The following EHBP1 variants were observed in gnomAD, a reference collection of about 807,000 sequenced individuals.
EHBP1 encodes the protein EH domain binding protein 1, also known as EH domain-binding protein 1.
In EHBP1, 55 loss-of-function variants were observed where a neutral mutation model predicts 144.0. The ratio of observed to expected loss-of-function variants is 0.38; its 90% CI spans 0.31 to 0.48. EHBP1 has a LOEUF of 0.48. EHBP1 is among the 20% of genes least tolerant of loss of function. The probability of loss-of-function intolerance (pLI) is 0.98; values close to 1 mark genes in which losing one functional copy is unlikely to be tolerated. For missense variants in EHBP1, 1,200 were observed against 1,364.2 expected (o/e 0.88, Z 1.90); for synonymous variants, 469 against 472.7 (o/e 0.99, Z 0.10).
chr2:62,945,388 G>C (rs2153082561), intron 12 of EHBP1, among the ~76,000 whole-genome samples: 1 of 152,262 alleles, frequency 6.6e-6, no homozygotes, highest in African/African-American at 2.4e-5. Flanking sequence ...CTAGTCTAAA[G>C]TTTTTAACAT....
chr2:62,806,998 T>C (rs1411741333), intron 5 of EHBP1, among the ~76,000 whole-genome samples: 6 of 152,182 alleles, frequency 3.9e-5, no homozygotes, highest in Non-Finnish European at 2.9e-5. Context: ...AACCCACAGA[T>C]AGGAAAAGTT....
chr2:62,880,346 GA>G (rs59916252), intron 10 of EHBP1, among the ~76,000 whole-genome samples: 75,433 of 133,604 alleles, frequency 0.56, 20,039 homozygotes, highest in African/African-American at 0.63. Context: ...TAGCAATTGT[GA>G]AAAAAAAAAA....
chr2:62,882,163 G>C (rs1434913144), intron 10 of EHBP1, among the ~76,000 whole-genome samples: 1 of 152,164 alleles, frequency 6.6e-6, no homozygotes, highest in East Asian at 1.9e-4. Context: ...TTGTTTGCCT[G>C]TATTTTTATT....
chr2:62,835,077 A>G (rs958778653), intron 7 of EHBP1, among the ~76,000 whole-genome samples: 7 of 152,062 alleles, frequency 4.6e-5, no homozygotes, highest in Non-Finnish European at 1.5e-5. Context: ...TCTTGCCTTG[A>G]AATTTTGCCT....
At chr2:62,936,635 C>T (rs550883878) in intron 10 of EHBP1, among the ~76,000 whole-genome samples, 1 of 152,012 alleles carries the variant, frequency 6.6e-6, no homozygotes, top group South Asian at 2.1e-4. Flanking sequence ...TCCTGTCTCT[C>T]CATGTCTTGG....
At chr2:62,975,955 G>A (rs1164886948) in intron 14 of EHBP1, among the ~76,000 whole-genome samples, 5 of 150,708 alleles carry the variant, frequency 3.3e-5, no homozygotes, top group South Asian at 4.2e-4. Flanking sequence ...AGAGCTTTCT[G>A]TTATTGACTG....
chr2:62,978,200 C>A (rs906432626), intron 14 of EHBP1, among the ~76,000 whole-genome samples: 1 of 150,950 alleles, frequency 6.6e-6, no homozygotes, highest in Non-Finnish European at 1.5e-5. Context: ...TATTAATAAT[C>A]CTTTTTTTTT....
upstream of EHBP1, among the ~76,000 whole-genome samples, chr2:62,705,387 T>C (rs1014545440): frequency 1.3e-5 from 2 of 151,958 alleles, no homozygotes; most frequent in African/African-American, 4.8e-5. Context: ...CCTTCTGCAA[T>C]CACCTTGCAG....
At chr2:62,871,199 A>G (rs2050452746) in intron 9 of EHBP1, among the ~76,000 whole-genome samples, 1 of 152,236 alleles carries the variant, frequency 6.6e-6, no homozygotes. Context: ...TCCAAGATAC[A>G]TGAGTATTAC....
chr2:62,888,338 C>T (rs2052117589), intron 10 of EHBP1, among the ~76,000 whole-genome samples: 1 of 152,148 alleles, frequency 6.6e-6, no homozygotes, highest in Admixed American at 6.5e-5. Context: ...AAGTTTGCCT[C>T]TTGATTTTTC....
chr2:62,886,119 GC>G (rs2051907117), intron 10 of EHBP1, among the ~76,000 whole-genome samples: 1 of 152,076 alleles, frequency 6.6e-6, no homozygotes, highest in African/African-American at 2.4e-5. Context: ...ACCCTTTTCA[GC>G]TTTTCACCTT....
At chr2:62,907,183 G>T (rs1299515011) in intron 10 of EHBP1, among the ~76,000 whole-genome samples, 1 of 152,132 alleles carries the variant, frequency 6.6e-6, no homozygotes, top group Non-Finnish European at 1.5e-5. Context: ...ATAGTTAGTT[G>T]CCTGTTTAGT....
At chr2:63,015,599 A>T (rs1263775493) in intron 19 of EHBP1, among the ~76,000 whole-genome samples, 22 of 152,070 alleles carry the variant, frequency 1.4e-4, no homozygotes, top group Non-Finnish European at 5.9e-5. Flanking sequence ...ACGTTGCCTC[A>T]TCCTACCAAG....
intron 5 of EHBP1, among the ~76,000 whole-genome samples, chr2:62,819,087 A>G (rs2045675864): frequency 6.6e-6 from 1 of 152,208 alleles, no homozygotes; most frequent in Admixed American, 6.5e-5. Flanking sequence ...TGCTCCATGA[A>G]TATACAGAAA....
chr2:62,700,092 A>C (rs2034232388), intron 1 of EHBP1, among the ~76,000 whole-genome samples: 1 of 152,210 alleles, frequency 6.6e-6, no homozygotes, highest in African/African-American at 2.4e-5. Flanking sequence ...ACTGTTCCTA[A>C]TTGAAAGATG....
chr2:63,001,400 G>A (rs979489352), intron 19 of EHBP1, among the ~76,000 whole-genome samples: 1 of 152,050 alleles, frequency 6.6e-6, no homozygotes, highest in African/African-American at 2.4e-5. Context: ...TATACTTAGA[G>A]AAGAAAATAA....
At chr2:62,956,539 A>G (rs917451796) in intron 14 of EHBP1, among the ~76,000 whole-genome samples, 13 of 152,060 alleles carry the variant, frequency 8.5e-5, no homozygotes, top group Non-Finnish European at 7.4e-5. Flanking sequence ...CTTTCAAGTT[A>G]TCTATTCCTG....
At chr2:62,732,306 G>A (rs1247712058) in intron 2 of EHBP1, among the ~76,000 whole-genome samples, 2 of 152,110 alleles carry the variant, frequency 1.3e-5, no homozygotes, top group Admixed American at 6.5e-5. Flanking sequence ...CTGTTGCACT[G>A]TTGCTTCAAA....
At chr2:62,851,480 A>G (rs2048691939) in intron 7 of EHBP1, among the ~76,000 whole-genome samples, 1 of 152,204 alleles carries the variant, frequency 6.6e-6, no homozygotes. Flanking sequence ...CCTCTGAGTT[A>G]TACATCTCTC....
Sources: allele counts gnomAD v4.1 joint callset (sites outside exome capture counted in the v4.1 genomes callset), GRCh38; gene constraint gnomAD v4.1.1; transcripts MANE v1.5; gene names NCBI Gene and HGNC (gene_info 2026-07-23, HGNC 2026-07-21).